Variants in CARD10 observed in about 807,000 individuals in gnomAD.
CARD10 encodes caspase recruitment domain-containing protein 10.
Under a neutral mutation model 114.6 loss-of-function variants are expected in CARD10, and 49 were observed. The ratio of observed to expected loss-of-function variants is 0.43; its 90% CI spans 0.34 to 0.54. The LOEUF is 0.54. Among genes scored for constraint, CARD10 ranks in the 20% least tolerant of loss-of-function variants. The pLI is 0.03. For synonymous variants in CARD10, 602 were observed against 593.2 expected (o/e 1.01, Z -0.21); for missense variants, 1,206 against 1,397.2 (o/e 0.86, Z 2.18).
intron 15 of CARD10, 32 bp downstream of exon 15, chr22:37,495,469 ACCCCACCCTTGGGGCC>A: frequency 6.7e-7 from 1 of 1,499,330 alleles, no homozygotes; most frequent in Admixed American, 1.9e-5. Flanking sequence ...TCCCTTTTGG[ACCCCACCCTTGGGGCC>A]CCCCACCCAC....
At position 37,516,270 on chromosome 22, in the gene CARD10, T is replaced by C; in HGVS notation, c.402A>G (p.Gln134=). 1 of 1,602,084 alleles carries C rather than the reference T, an allele frequency of 6.2e-7. No individual in the cohort carries two copies. Among genetic ancestry groups the C allele is most frequent in the African/African-American group, 1.3e-5 (1 of 74,868 alleles). Residue 134 remains glutamine, a synonymous_variant, in exon 3 of 20, where the codon CAA becomes CAG. Transcript: ENST00000251973. ...LDEEGPEGLT[Q]FLMTEVRRLR... Reference sequence around the variant, plus strand: ...GCCGTCGCACCTCTGTCATCAAGAATTGGGTCAGGCCCTCAGGCCCCTCCT... The same window carrying C: ...GCCGTCGCACCTCTGTCATCAAGAACTGGGTCAGGCCCTCAGGCCCCTCCT...
chr22:37,492,487 G>A lies in CARD10; in HGVS notation c.2699C>T (p.Ala900Val). The A allele has an allele frequency of 6.2e-7, 1 of 1,602,676 alleles. No homozygotes were observed. Among genetic ancestry groups the A allele is most frequent in the Non-Finnish European group, 8.5e-7 (1 of 1,173,382 alleles). Residue 900 changes from alanine to valine, a missense_variant, in exon 18 of 20, where the codon GCC becomes GTC. By Grantham distance (64) the Ala-to-Val change is moderately conservative. Around this residue, in one of 2 missense-constraint regions of CARD10, gnomAD observed 1,068 missense variants for 1,179.1 expected, o/e 0.91. Coordinates refer to ENST00000251973, the MANE Select transcript of CARD10 (RefSeq NM_014550.4). This position sits in a 1 kb window ranked among gnomAD's most constrained non-coding sequence, Gnocchi z 5.7. Reference sequence around the variant, plus strand: ...GATCCTGCTGCCTAGCCCAGGGGTGGCAGGCTGAGCCTTGGGGGCTCCAGG... The same window carrying A: ...GATCCTGCTGCCTAGCCCAGGGGTGACAGGCTGAGCCTTGGGGGCTCCAGG... ...SAPGAPKAQP[A>V]TPGLGSRIRA...
rs755753807 is a variant in CARD10 at position 37,501,092 on chromosome 22, G to A, written c.1787+1510C>T. Among the ~76,000 whole-genome samples the A allele has an allele frequency of 1.4e-4, 22 of 152,158 alleles. No individual in the cohort carries two copies. Among genetic ancestry groups the A allele is most frequent in the African/African-American group, 3.4e-4 (14 of 41,498 alleles). ...AGTTGCCCCGACCTGGGACCTGTCC[G>A]GGCCCTCATCTCCCTCTCCCTCTCC... On this transcript the variant is annotated intron_variant, in intron 11 of 19. Transcript: ENST00000251973. The surrounding 1 kb of genome is among the most constrained non-coding windows in gnomAD (Gnocchi z 5.4).
At position 37,496,236 on chromosome 22, in the gene CARD10, G is replaced by A. The variant is rs1051639389; in HGVS notation, c.2059+213C>T. ...CCCAGGTCTCTGGACTCCTAATGTA[G>A]TGCTCCTTTCACTGTAAGCTGCTTA... On this transcript the variant is annotated intron_variant, in intron 13 of 19. Transcript: ENST00000251973. The surrounding 1 kb of genome is among the most constrained non-coding windows in gnomAD (Gnocchi z 4.1). Among the ~76,000 whole-genome samples the A allele has an allele frequency of 1.3e-5, 2 of 152,202 alleles. No individual in the cohort carries two copies. Among genetic ancestry groups the A allele is most frequent in the African/African-American group, 4.8e-5 (2 of 41,446 alleles).
chr22:37,495,217 C>T (rs1172582719), intron 15 of CARD10, among the ~76,000 whole-genome samples: 10 of 152,220 alleles, frequency 6.6e-5, no homozygotes, highest in East Asian at 1.9e-4. Context: ...CCGCCCACCT[C>T]GGCCTCCCAA....
chr22:37,513,814 A>G (rs1923743485), intron 3 of CARD10, among the ~76,000 whole-genome samples: 2 of 152,172 alleles, frequency 1.3e-5, no homozygotes, highest in Non-Finnish European at 2.9e-5. Flanking sequence ...AAATCCTTCA[A>G]TCCGGCTGAA....
At chr22:37,504,502 T>G in intron 8 of CARD10, 133 bp downstream of exon 8, 1 of 1,380,452 alleles carries the variant, frequency 7.2e-7, no homozygotes, top group Non-Finnish European at 9.6e-7. Flanking sequence ...TGGGTGAGCT[T>G]CAGTAAAGTA....
chr22:37,519,320 G>A lies in CARD10; in HGVS notation c.-120C>T, dbSNP rs1001290151. On this transcript the variant is annotated 5_prime_UTR_variant, in exon 1 of 20. Transcript: ENST00000251973. This position sits in a 1 kb window ranked among gnomAD's most constrained non-coding sequence, Gnocchi z 4.1. Reference sequence around the variant, plus strand: ...TCCGCAGACCCGCCGTCGGGGGCGCGCCCCGAGCTCCCCGCGACTCACCCC... The same window carrying A: ...TCCGCAGACCCGCCGTCGGGGGCGCACCCCGAGCTCCCCGCGACTCACCCC... The A allele has an allele frequency of 7.5e-6, 10 of 1,338,254 alleles. No individual in the cohort carries two copies. Among genetic ancestry groups the A allele is most frequent in the Non-Finnish European group, 9.5e-6 (10 of 1,048,056 alleles). 82.9% of individuals were successfully genotyped at this position (1,338,254 alleles called of 1,614,324 possible). A position where few individuals can be genotyped will look rare whatever the true frequency, so the allele number is the denominator to read the frequency against.
At chr22:37,512,099 A>G (rs114398420) in intron 3 of CARD10, 176 of 152,386 alleles carry the variant, frequency 1.2e-3, no homozygotes, top group African/African-American at 4.0e-3. Context: ...CACAGCTTCA[A>G]ACAAAATCCC....
chr22:37,519,222 G>A lies in CARD10; in HGVS notation c.-22C>T. On this transcript the variant is annotated 5_prime_UTR_variant, in exon 1 of 20. Coordinates refer to ENST00000251973, the MANE Select transcript of CARD10 (RefSeq NM_014550.4). The surrounding 1 kb of genome is among the most constrained non-coding windows in gnomAD (Gnocchi z 4.1). ...GCATGGCCGTGTCCTCAGGGTCTGC[G>A]GGCAAGAGGCGCACGGGGGTCGACC... 6.7e-7 allele frequency: 1 copy of A among 1,490,546 alleles called. No homozygotes were observed. Among genetic ancestry groups the A allele is most frequent in the Non-Finnish European group, 8.9e-7 (1 of 1,122,478 alleles). 92.3% of individuals were successfully genotyped at this position (1,490,546 alleles called of 1,614,324 possible).
At chr22:37,506,456 G>C in intron 6 of CARD10, 73 bp from the exon 7 acceptor site, 1 of 1,178,134 alleles carries the variant, frequency 8.5e-7, no homozygotes, top group Non-Finnish European at 1.2e-6. Context: ...ATGACTTGGA[G>C]AATGGGGACA....
At position 37,516,144 on chromosome 22, in the gene CARD10, C is replaced by T. The variant is rs1440365536; in HGVS notation, c.528G>A (p.Arg176=). 6.3e-7 allele frequency: 1 copy of T among 1,595,236 alleles called. No homozygotes were observed. The highest frequency in any genetic ancestry group is 8.5e-7 in the Non-Finnish European group (1 of 1,171,544). Residue 176 remains arginine (R), a synonymous_variant, in exon 3 of 20, where the codon CGG becomes CGA. Transcript: ENST00000251973. The part of the protein sequence containing the change: ...EERAGLEQRL[R]DQQQAQERCQ... ...AGCGCTCCTGAGCCTGCTGCTGGTC[C>T]CGCAGCCGCTGCTCCAGCCCTGCCC...
chr22:37,518,840 A>C, intron 1 of CARD10, 126 bp downstream of exon 1: 8 of 1,199,874 alleles, frequency 6.7e-6, no homozygotes, highest in Non-Finnish European at 8.9e-6. Context: ...CAGCCGGCCC[A>C]CTCTACTGAT....
At chr22:37,518,254 G>A (rs1236065580) in intron 1 of CARD10, 146 bp from the exon 2 acceptor site, 7 of 718,896 alleles carry the variant, frequency 9.7e-6, no homozygotes, top group Non-Finnish European at 1.4e-5. Context: ...CAACACATCA[G>A]GGAAGAGAAG....
intron 19 of CARD10, 73 bp from the exon 20 acceptor site, chr22:37,491,466 G>T: frequency 9.1e-7 from 1 of 1,096,616 alleles, no homozygotes; most frequent in Non-Finnish European, 1.3e-6. Context: ...GAGAGGGACA[G>T]ACAAAGGGGG....
rs1601807612 is a variant in CARD10 at position 37,493,401 on chromosome 22, A to T, written c.2477-599T>A. On this transcript the variant is annotated intron_variant, in intron 16 of 19. Coordinates refer to ENST00000251973, the MANE Select transcript of CARD10 (RefSeq NM_014550.4). ...TCCACTGCACACCTCACACTCTCTC[A>T]TTGTGTTCATAGGTGGGATTATCTG... 2.6e-5 allele frequency among the ~76,000 whole-genome samples: 4 copies of T among 152,162 alleles called. No individual in the cohort carries two copies. In the Middle Eastern group the frequency reaches 0.014, roughly 518 times the overall value.
chr22:37,491,846 C>T lies in CARD10; in HGVS notation c.2773G>A (p.Gly925Ser), dbSNP rs1488316130. 1 of 1,608,558 alleles carries T rather than the reference C, an allele frequency of 6.2e-7. No individual in the cohort carries two copies. Among genetic ancestry groups the T allele is most frequent in the Non-Finnish European group, 8.5e-7 (1 of 1,179,248 alleles). Residue 925 changes from glycine (G) to serine (S), a missense_variant, in exon 19 of 20, where the codon GGT becomes AGT. This residue lies in a region of CARD10 where 1,068 missense variants were observed against 1,179.1 expected (regional missense o/e 0.91). Coordinates refer to ENST00000251973, the MANE Select transcript of CARD10 (RefSeq NM_014550.4). ...VGKKHCLLEL[G>S]ARGVRELVQN... The stretch of plus-strand genomic sequence containing the variant: ...ACCAGCTCCCGCACACCCCGAGCAC[C>T]CAGCTCCAGCAGGCAGTGCTTCTGC...
rs374187904 is a variant in CARD10 at position 37,497,163 on chromosome 22, C to T, written c.1803G>A (p.Arg601=). 5.0e-6 allele frequency: 8 copies of T among 1,613,218 alleles called. No homozygotes were observed. The African/African-American group carries it at 9.3e-5, about 19-fold the overall frequency. Residue 601 remains arginine (R), a synonymous_variant, in exon 12 of 20, where the codon CGG becomes CGA. Transcript: ENST00000251973. ...CCCCTGGGGGGCTCCGGCCAGACAC[C>T]CGAATAGCCAGAGACCTGAGAAGGG... ...LDFLNRSLAI[R]VSGRSPPGGP...
rs1378486992 is a variant in CARD10, at chr22:37,492,186, A to C, written c.2751+249T>G. 6.6e-6 allele frequency among the ~76,000 whole-genome samples: 1 copy of C among 152,128 alleles called. No homozygotes were observed. Among genetic ancestry groups the C allele is most frequent in the Admixed American group, 6.5e-5 (1 of 15,282 alleles). ...CAGGATAGTGGCAAGTTCAAGGATA[A>C]GGATGTGTAGGTGAGCTGTGTCAGC... On this transcript the variant is annotated intron_variant, in intron 18 of 19. Transcript: ENST00000251973. The surrounding 1 kb of genome is among the most constrained non-coding windows in gnomAD (Gnocchi z 5.7).
Sources: gnomAD v4.1 joint callset for allele counts (sites outside exome capture counted in the v4.1 genomes callset) on GRCh38, gnomAD v4.1.1 for gene constraint, gnomAD v4.1.1 regional missense constraint, Gnocchi (gnomAD v3.1) non-coding constraint, MANE v1.5 for transcripts, NCBI Gene and HGNC (gene_info 2026-07-23, HGNC 2026-07-21) for gene names.